The following PCYT1B variants were observed in gnomAD, a reference collection of about 807,000 sequenced individuals.
PCYT1B encodes the protein choline-phosphate cytidylyltransferase B.
In PCYT1B, 10 loss-of-function variants were observed where a neutral mutation model predicts 26.4. That is an observed-to-expected ratio of 0.38 (90% confidence interval 0.23 to 0.64). The LOEUF is 0.64. Among genes scored for constraint, PCYT1B ranks in the 30% least tolerant of loss-of-function variants. The pLI is 0.56. For synonymous variants in PCYT1B, 131 were observed against 108.4 expected (o/e 1.21, Z -1.29); for missense variants, 161 against 292.7 (o/e 0.55, Z 3.28).
chrX:24,662,310 A>C (rs1224758199), intron 1 of PCYT1B, among the ~76,000 whole-genome samples: 2 of 112,382 alleles, frequency 1.8e-5, no homozygotes, highest in Admixed American at 1.9e-4. Flanking sequence ...AACTGGGTAC[A>C]ATTTTGCTGC....
At chrX:24,656,717 G>A (rs1311263896) in intron 1 of PCYT1B, among the ~76,000 whole-genome samples, 4 of 107,006 alleles carry the variant, frequency 3.7e-5, no homozygotes, top group Non-Finnish European at 7.7e-5. Flanking sequence ...CACCACACCC[G>A]GCTAATTTTT....
At chrX:24,670,093 A>G (rs868251530) in intron 1 of PCYT1B, among the ~76,000 whole-genome samples, 3 of 85,193 alleles carry the variant, frequency 3.5e-5, no homozygotes, top group African/African-American at 1.3e-4. Flanking sequence ...AGAAAGAAAG[A>G]AAGAAAGAAA....
At chrX:24,651,469 AAAAATATATATATATAT>A (rs1436315644), upstream of PCYT1B, among the ~76,000 whole-genome samples, 851 of 39,550 alleles carry the variant, frequency 0.022, 64 homozygotes, top group African/African-American at 0.093. Flanking sequence ...AAAAAAAAAA[AAAAATATATATATATAT>A]ATATATATAT....
At chrX:24,645,343 C>A (rs1263420528) in intron 1 of PCYT1B, among the ~76,000 whole-genome samples, 1 of 109,422 alleles carries the variant, frequency 9.1e-6, no homozygotes, top group East Asian at 2.9e-4. Context: ...AATATATATA[C>A]ATATGTGTGT....
chrX:24,592,483 A>T (rs771814530), intron 3 of PCYT1B, among the ~76,000 whole-genome samples: 1 of 111,012 alleles, frequency 9.0e-6, no homozygotes, highest in East Asian at 2.8e-4. Context: ...CCCGGAAGCC[A>T]TGTTTTTCTC....
chrX:24,608,606 G>C (rs898058187), intron 2 of PCYT1B, among the ~76,000 whole-genome samples: 4 of 111,422 alleles, frequency 3.6e-5, no homozygotes, highest in Non-Finnish European at 5.7e-5. Flanking sequence ...CCTTCCTAGG[G>C]AGAAAGGTCA....
At chrX:24,632,817 G>A (rs1926140024) in intron 1 of PCYT1B, among the ~76,000 whole-genome samples, 1 of 111,423 alleles carries the variant, frequency 9.0e-6, no homozygotes, top group South Asian at 3.8e-4. Context: ...GTTGGTTACT[G>A]GGTACAAACA....
chrX:24,659,970 C>T (rs772444383), intron 1 of PCYT1B, among the ~76,000 whole-genome samples: 2 of 111,607 alleles, frequency 1.8e-5, no homozygotes, highest in South Asian at 3.8e-4. Flanking sequence ...TTAATAAAGA[C>T]GCTTATCCAC....
At chrX:24,623,806 G>A (rs1295351157) in intron 1 of PCYT1B, among the ~76,000 whole-genome samples, 1 of 110,515 alleles carries the variant, frequency 9.0e-6, no homozygotes, top group African/African-American at 3.3e-5. Context: ...TATTACTTAA[G>A]TGCAAAAAAA....
chrX:24,628,193 G>C (rs1223218787), intron 1 of PCYT1B, among the ~76,000 whole-genome samples: 1 of 111,672 alleles, frequency 9.0e-6, no homozygotes, highest in Non-Finnish European at 1.9e-5. Context: ...GATGCAGGTA[G>C]AAGAGAGGTC....
chrX:24,659,982 T>A (rs1926995542), intron 1 of PCYT1B, among the ~76,000 whole-genome samples: 1 of 111,761 alleles, frequency 8.9e-6, no homozygotes, highest in Admixed American at 9.6e-5. Flanking sequence ...CTTATCCACT[T>A]TGCTTTATTC....
At position 24,562,082 on chromosome X, in the gene PCYT1B, C is replaced by T. The variant is rs1923438159; in HGVS notation, c.*211G>A. On this transcript the variant is annotated 3_prime_UTR_variant, in exon 8 of 8. Transcript: ENST00000379144. ...GACGCTAAGGTTTGTGTAGGTTGTC[C>T]AGCTAGAAGTCTCTGCACCTCGCCC... 4 of 1,209,303 alleles carry T rather than the reference C, an allele frequency of 3.3e-6. No homozygotes were observed. The highest frequency in any genetic ancestry group is 1.8e-5 in the South Asian group (1 of 56,791).
intron 1 of PCYT1B, among the ~76,000 whole-genome samples, chrX:24,669,087 C>A (rs1410267310): frequency 8.9e-6 from 1 of 111,787 alleles, no homozygotes; most frequent in Non-Finnish European, 1.9e-5. Flanking sequence ...AACAGAACTG[C>A]AACATATTTT....
chrX:24,572,932 A>ATG (rs1923879795), intron 7 of PCYT1B, among the ~76,000 whole-genome samples: 1 of 105,123 alleles, frequency 9.5e-6, no homozygotes, highest in South Asian at 4.1e-4. Flanking sequence ...ATATATATAT[A>ATG]TATATACACA....
intron 2 of PCYT1B, among the ~76,000 whole-genome samples, chrX:24,617,596 T>C: frequency 9.3e-6 from 1 of 107,983 alleles, no homozygotes; most frequent in Non-Finnish European, 1.9e-5. Flanking sequence ...TACAGGTGCC[T>C]GCCACCACGC....
chrX:24,671,337 GAATGAATCAATC>G (rs1927250417), intron 1 of PCYT1B, among the ~76,000 whole-genome samples: 1 of 87,354 alleles, frequency 1.1e-5, no homozygotes. Context: ...ATGAATGAAT[GAATGAATCAATC>G]AATCAATCAA....
chrX:24,640,853 T>G (rs1398851390), intron 1 of PCYT1B, among the ~76,000 whole-genome samples: 1 of 111,463 alleles, frequency 9.0e-6, no homozygotes, highest in East Asian at 2.8e-4. Context: ...GACATAACTC[T>G]CACAAACTCT....
At chrX:24,662,049 G>A (rs1262704738) in intron 1 of PCYT1B, among the ~76,000 whole-genome samples, 2 of 110,895 alleles carry the variant, frequency 1.8e-5, no homozygotes, top group East Asian at 2.8e-4. Flanking sequence ...TGCGCCTGTG[G>A]TCCCAGCTAC....
intron 1 of PCYT1B, among the ~76,000 whole-genome samples, chrX:24,670,333 GATT>G (rs1218078606): frequency 8.9e-6 from 1 of 111,954 alleles, no homozygotes; most frequent in Non-Finnish European, 1.9e-5. Context: ...AGCTATAAAA[GATT>G]ATTAAGTTCA....
Sources: allele counts gnomAD v4.1 joint callset (sites outside exome capture counted in the v4.1 genomes callset), GRCh38; gene constraint gnomAD v4.1.1; transcripts MANE v1.5; gene names NCBI Gene and HGNC (gene_info 2026-07-23, HGNC 2026-07-21).